Variants in MAEA observed in about 807,000 individuals in gnomAD.
MAEA encodes E3 ubiquitin-protein transferase MAEA.
Under a neutral mutation model 46.2 loss-of-function variants are expected in MAEA, and 22 were observed. The ratio of observed to expected loss-of-function variants is 0.48; its 90% CI spans 0.34 to 0.68. MAEA has a LOEUF of 0.68. Among genes scored for constraint, MAEA ranks in the 30% least tolerant of loss-of-function variants. The pLI is 0.01. For synonymous variants in MAEA, 246 were observed against 222.6 expected, an observed-to-expected ratio of 1.11 and a Z score of -0.94; for missense variants, 393 against 558.1, an observed-to-expected ratio of 0.70 and a Z score of 2.98.
chr4:1,316,580 C>T (rs909972637), intron 3 of MAEA, among the ~76,000 whole-genome samples: 4 of 152,104 alleles, frequency 2.6e-5, no homozygotes, highest in Non-Finnish European at 5.9e-5. Flanking sequence ...ACAGGCCTCC[C>T]TCCCATGCTG....
At chr4:1,306,082 G>A (rs1396651104) in intron 1 of MAEA, among the ~76,000 whole-genome samples, 1 of 152,194 alleles carries the variant, frequency 6.6e-6, no homozygotes, top group Non-Finnish European at 1.5e-5. Context: ...TCCCCAACGG[G>A]GAAGGCTGTG....
intron 2 of MAEA, among the ~76,000 whole-genome samples, chr4:1,314,309 G>C (rs1440837208): frequency 1.3e-5 from 2 of 148,384 alleles, no homozygotes; most frequent in African/African-American, 2.5e-5. Context: ...CCTGCACAGA[G>C]ACTCTGTCTC....
chr4:1,323,404 C>T (rs2141656), intron 4 of MAEA: 390,216 of 686,054 alleles, frequency 0.57, 113,675 homozygotes, highest in African/African-American at 0.75. Flanking sequence ...ACTTTTCTGT[C>T]TTCTAAACTG....
chr4:1,322,302 T>C (rs1287491717), intron 3 of MAEA, 79 bp from the exon 4 acceptor site: 1 of 1,572,332 alleles, frequency 6.4e-7, no homozygotes, highest in Non-Finnish European at 8.7e-7. Flanking sequence ...GCCTGCCTCA[T>C]GGAGGCTGGG....
intron 3 of MAEA, among the ~76,000 whole-genome samples, chr4:1,319,677 A>G (rs900444525): frequency 5.1e-5 from 1 of 19,668 alleles, no homozygotes; most frequent in Non-Finnish European, 7.6e-5. Context: ...TTGAGGCAAC[A>G]GTGAGCCATG....
In MAEA at chr4:1,327,533, G is replaced by T; in HGVS notation, c.580-94G>T. The stretch of plus-strand genomic sequence containing the variant: ...GAGAGAGGGGTTCAGAGCTTTGGTT[G>T]TGGGGTCTGCTGGTGGACATGCGGG... On this transcript the variant is annotated intron_variant, in intron 4 of 8. Transcript: ENST00000303400. 6 of 844,480 alleles carry T rather than the reference G, an allele frequency of 7.1e-6. 1 individual carries two copies. The South Asian group carries it at 7.9e-5, about 11-fold the overall frequency. 52.3% of individuals were successfully genotyped at this position (844,480 alleles called of 1,614,324 possible).
intron 1 of MAEA, among the ~76,000 whole-genome samples, chr4:1,297,587 C>T (rs1477012588): frequency 6.6e-6 from 1 of 152,160 alleles, no homozygotes; most frequent in Non-Finnish European, 1.5e-5. Context: ...GTTTCCTTTG[C>T]AGCACTCGTC....
In MAEA at chr4:1,317,262, C is replaced by T. The variant is rs1484948075; in HGVS notation, c.456+1662C>T. Reference sequence around the variant, plus strand: ...TCCAGACTCACCCGCAGGCCCACCCCAGCCCCCACACTCCAGACTCACCTG... The same window carrying T: ...TCCAGACTCACCCGCAGGCCCACCCTAGCCCCCACACTCCAGACTCACCTG... On this transcript the variant is annotated intron_variant, in intron 3 of 8. Coordinates refer to ENST00000303400, the MANE Select transcript of MAEA (RefSeq NM_001017405.3). Among the ~76,000 whole-genome samples, 5 of 116,538 alleles carry T rather than the reference C, an allele frequency of 4.3e-5. 1 individual carries two copies. Among genetic ancestry groups the T allele is most frequent in the Admixed American group, 4.3e-4 (5 of 11,728 alleles). The allele number at this position is 116,538 out of a possible 152,430, so 76.5% of individuals were successfully genotyped here.
chr4:1,306,437 C>G (rs990151755), intron 1 of MAEA, among the ~76,000 whole-genome samples: 1 of 152,148 alleles, frequency 6.6e-6, no homozygotes, highest in Non-Finnish European at 1.5e-5. Context: ...ATCACTTGAT[C>G]CCGGGAGGCG....
chr4:1,295,945 ACCCTCGCCCGCACCTGTGCCC>A (rs1734643579), intron 1 of MAEA, among the ~76,000 whole-genome samples: 2 of 32,044 alleles, frequency 6.2e-5, no homozygotes, highest in Non-Finnish European at 6.6e-5. Flanking sequence ...CACCTGTGCC[ACCCTCGCCCGCACCTGTGCCC>A]CCCTCACCCA....
chr4:1,327,538 G>T (rs1195139462), intron 4 of MAEA, 89 bp from the exon 5 acceptor site: 3 of 865,198 alleles, frequency 3.5e-6, no homozygotes, highest in Non-Finnish European at 4.0e-6. Context: ...TGGTTGTGGG[G>T]TCTGCTGGTG....
At position 1,315,423 on chromosome 4, in the gene MAEA, C is replaced by T. The variant is rs117607367; in HGVS notation, c.279C>T (p.Asp93=). The change falls in exon 3 of 9, where the codon GAC becomes GAT. Residue 93 remains aspartate (D), a synonymous_variant. Coordinates refer to ENST00000303400, the MANE Select transcript of MAEA (RefSeq NM_001017405.3). Reference sequence around the variant, plus strand: ...CGGTGGAATCCATCCAGGCCGAGGACGAGAGCGCCAAGCTGTGCAAGCGCC... The same window carrying T: ...CGGTGGAATCCATCCAGGCCGAGGATGAGAGCGCCAAGCTGTGCAAGCGCC... ...RKAVESIQAE[D]ESAKLCKRRI... 2,265 of 1,613,882 alleles carry T rather than the reference C, an allele frequency of 1.4e-3. 11 individuals are homozygous for T. Among genetic ancestry groups the T allele is most frequent in the South Asian group, 9.4e-3 (854 of 91,076 alleles).
chr4:1,326,705 G>A (rs1454205292), intron 4 of MAEA, among the ~76,000 whole-genome samples: 1 of 150,982 alleles, frequency 6.6e-6, no homozygotes, highest in Non-Finnish European at 1.5e-5. Context: ...CATCCTGGAA[G>A]CGCCCTCCCT....
At chr4:1,309,434 T>C in intron 1 of MAEA, 1 of 1,276,672 alleles carries the variant, frequency 7.8e-7, no homozygotes, top group African/African-American at 1.5e-5. Context: ...GGCGGTGCTT[T>C]CCGGGGCTGG....
intron 6 of MAEA, among the ~76,000 whole-genome samples, chr4:1,333,581 A>C (rs1170889463): frequency 6.6e-6 from 1 of 152,078 alleles, no homozygotes; most frequent in East Asian, 1.9e-4. Context: ...TTCTGCCATC[A>C]CTAACCAGGC....
chr4:1,320,293 A>G (rs540018315), intron 3 of MAEA, among the ~76,000 whole-genome samples: 17 of 152,162 alleles, frequency 1.1e-4, no homozygotes, highest in African/African-American at 4.1e-4. Flanking sequence ...AAAAGAAATC[A>G]AAGCAAACGT....
At chr4:1,300,143 C>T (rs1735172026) in intron 1 of MAEA, among the ~76,000 whole-genome samples, 1 of 152,164 alleles carries the variant, frequency 6.6e-6, no homozygotes, top group Non-Finnish European at 1.5e-5. Context: ...ACATCCCATT[C>T]ACCATAACCC....
At chr4:1,325,271 G>C (rs1423715784) in intron 4 of MAEA, among the ~76,000 whole-genome samples, 1 of 152,224 alleles carries the variant, frequency 6.6e-6, no homozygotes, top group Non-Finnish European at 1.5e-5. Context: ...GAGTGGCCCT[G>C]AAGGCCCCTG....
intron 1 of MAEA, among the ~76,000 whole-genome samples, chr4:1,299,026 C>T (rs1463727362): frequency 6.6e-6 from 1 of 152,040 alleles, no homozygotes; most frequent in Non-Finnish European, 1.5e-5. Flanking sequence ...GGACCACGGG[C>T]GCCTGCTTCC....
Sources: allele counts gnomAD v4.1 joint callset (sites outside exome capture counted in the v4.1 genomes callset), GRCh38; gene constraint gnomAD v4.1.1; transcripts MANE v1.5; gene names NCBI Gene and HGNC (gene_info 2026-07-23, HGNC 2026-07-21).